SPOPL: variants seen among roughly 807,000 people sequenced by gnomAD.
SPOPL encodes the protein speckle-type POZ protein-like.
SPOPL carries 23 observed loss-of-function variants against 53.8 expected under a neutral mutation model. That is an observed-to-expected ratio of 0.43 (90% confidence interval 0.31 to 0.61). SPOPL has a LOEUF of 0.61. Ranked by LOEUF, SPOPL falls within the 20% of genes least tolerant of loss-of-function variation. SPOPL has a pLI of 0.12. For synonymous variants in SPOPL, 164 were observed against 149.7 expected (o/e 1.10, Z -0.70); for missense variants, 442 against 466.9 (o/e 0.95, Z 0.49).
intron 8 of SPOPL, among the ~76,000 whole-genome samples, chr2:138,562,327 T>A (rs1443025128): frequency 1.3e-5 from 2 of 152,242 alleles, no homozygotes; most frequent in Non-Finnish European, 1.5e-5. Context: ...GATGGGCAAA[T>A]AATGGAACAG....
chr2:138,504,562 CA>C (rs1232851224), intron 1 of SPOPL, among the ~76,000 whole-genome samples: 2 of 152,058 alleles, frequency 1.3e-5, no homozygotes, highest in African/African-American at 4.8e-5. Context: ...ATATTCTTTC[CA>C]AAAATATTTA....
At chr2:138,550,356 T>C (rs1254112618) in intron 2 of SPOPL, 62 bp downstream of exon 2, 8 of 1,601,320 alleles carry the variant, frequency 5.0e-6, no homozygotes, top group South Asian at 1.1e-5. Flanking sequence ...ATGTTGAGAA[T>C]AGTATTGTGA....
At chr2:138,544,186 C>A (rs965598782) in intron 1 of SPOPL, among the ~76,000 whole-genome samples, 1 of 152,210 alleles carries the variant, frequency 6.6e-6, no homozygotes, top group Admixed American at 6.5e-5. Context: ...GGTCAGGGAC[C>A]CACTTGAGGT....
chr2:138,563,802 C>T (rs1685602116), intron 8 of SPOPL, among the ~76,000 whole-genome samples: 1 of 152,122 alleles, frequency 6.6e-6, no homozygotes, highest in African/African-American at 2.4e-5. Flanking sequence ...AGCATATGCC[C>T]ATACAGACAC....
In SPOPL at chr2:138,564,761, C is replaced by T. The variant is rs763436582; in HGVS notation, c.891C>T (p.Leu297=). The change falls in exon 9 of 11, where the codon CTC becomes CTT. Residue 297 remains leucine (L), a synonymous_variant. Transcript: ENST00000280098. The part of the protein sequence containing the change: ...VMCEEALCSN[L]SVENVADTLV... ...GCGAAGAAGCTTTGTGTAGTAACCT[C>T]TCAGTAGAGAATGTTGCAGATACCC... 1.9e-6 allele frequency: 3 copies of T among 1,614,030 alleles called. No homozygotes were observed. In the African/African-American group the frequency reaches 4.0e-5, roughly 22 times the overall value.
rs1324410398 is a variant in SPOPL at position 138,564,864 on chromosome 2, G to T, written c.980+14G>T. The T allele has an allele frequency of 1.2e-4, 197 of 1,613,836 alleles. 1 individual carries two copies. Among genetic ancestry groups the T allele is most frequent in the Non-Finnish European group, 1.7e-4 (196 of 1,179,842 alleles). ...CTTTATTAATAGGTAAGCTATGCTTGTATTTCAGTGGGCATGACAACTTCA... is the reference window on the plus strand; with the variant it reads ...CTTTATTAATAGGTAAGCTATGCTTTTATTTCAGTGGGCATGACAACTTCA... On this transcript the variant is annotated intron_variant, in intron 9 of 10. Coordinates refer to ENST00000280098, the MANE Select transcript of SPOPL (RefSeq NM_001001664.3).
chr2:138,556,487 A>G (rs2104897682), intron 5 of SPOPL, among the ~76,000 whole-genome samples: 1 of 152,324 alleles, frequency 6.6e-6, no homozygotes, highest in African/African-American at 2.4e-5. Flanking sequence ...AGAAATTTCA[A>G]GAGCAGTGCT....
intron 1 of SPOPL, among the ~76,000 whole-genome samples, chr2:138,547,208 C>T (rs943646273): frequency 3.3e-5 from 5 of 152,266 alleles, no homozygotes; most frequent in African/African-American, 4.8e-5. Context: ...TCAAGTGATC[C>T]GCTTGCCTCA....
intron 1 of SPOPL, among the ~76,000 whole-genome samples, chr2:138,531,224 T>C (rs894935250): frequency 2.0e-5 from 3 of 152,094 alleles, no homozygotes; most frequent in Admixed American, 2.0e-4. Flanking sequence ...AAATCTATTT[T>C]ATTTTTAGTT....
chr2:138,518,535 A>G (rs1458822486), intron 1 of SPOPL, among the ~76,000 whole-genome samples: 2 of 152,224 alleles, frequency 1.3e-5, no homozygotes, highest in African/African-American at 4.8e-5. Flanking sequence ...TTATACACAG[A>G]CTTTACAGAT....
chr2:138,515,091 A>G (rs1455682411), intron 1 of SPOPL, among the ~76,000 whole-genome samples: 1 of 152,232 alleles, frequency 6.6e-6, no homozygotes, highest in Non-Finnish European at 1.5e-5. Context: ...CAGAATATAC[A>G]ACAAATTTAA....
rs754763402 is a variant in SPOPL, at chr2:138,568,927, A to G, written c.1035-9A>G. On this transcript the variant is annotated splice_polypyrimidine_tract_variant and intron_variant, in intron 10 of 10. Coordinates refer to ENST00000280098, the MANE Select transcript of SPOPL (RefSeq NM_001001664.3). ...TCTTTAGTAAATATCTTTTAATTCTATTTTTCAGCCAAGCAACCGACATAA... is the reference window on the plus strand; with the variant it reads ...TCTTTAGTAAATATCTTTTAATTCTGTTTTTCAGCCAAGCAACCGACATAA... The G allele has an allele frequency of 4.3e-6, 7 of 1,613,358 alleles. No homozygotes were observed. Among genetic ancestry groups the G allele is most frequent in the South Asian group, 3.3e-5 (3 of 90,934 alleles).
At chr2:138,525,602 A>G (rs1684653327) in intron 1 of SPOPL, among the ~76,000 whole-genome samples, 1 of 149,588 alleles carries the variant, frequency 6.7e-6, no homozygotes, top group Non-Finnish European at 1.5e-5. Flanking sequence ...GCTCAGGGCC[A>G]GGACTTTGAA....
chr2:138,517,434 C>T (rs537167180), intron 1 of SPOPL, among the ~76,000 whole-genome samples: 1 of 152,272 alleles, frequency 6.6e-6, no homozygotes, highest in Non-Finnish European at 1.5e-5. Context: ...AAGAAATCTT[C>T]AGTAATTTTA....
intron 1 of SPOPL, among the ~76,000 whole-genome samples, chr2:138,548,061 T>C (rs1293003708): frequency 6.6e-6 from 1 of 152,122 alleles, no homozygotes; most frequent in Non-Finnish European, 1.5e-5. Context: ...AAAATTTCTT[T>C]TGATACTAAT....
intron 5 of SPOPL, among the ~76,000 whole-genome samples, chr2:138,553,863 T>G (rs1573902519): frequency 6.6e-6 from 1 of 152,126 alleles, no homozygotes; most frequent in Admixed American, 6.6e-5. Flanking sequence ...TAAATAAATA[T>G]AGGTTATGCT....
At chr2:138,549,322 G>A (rs985988154) in intron 1 of SPOPL, among the ~76,000 whole-genome samples, 2 of 151,886 alleles carry the variant, frequency 1.3e-5, no homozygotes, top group African/African-American at 2.4e-5. Flanking sequence ...TTAAAGTCTT[G>A]TTTTGTCTGT....
chr2:138,504,348 A>G (rs920806451), intron 1 of SPOPL, among the ~76,000 whole-genome samples: 2 of 152,124 alleles, frequency 1.3e-5, no homozygotes, highest in South Asian at 2.1e-4. Flanking sequence ...CTGCTTCCAC[A>G]TAGTTCCTTC....
Position 138,570,006 on chromosome 2 carries a change from CTT to C in SPOPL, c.*927_*928del, listed in dbSNP as rs1388663396. 2 of 152,406 alleles carry C rather than the reference CTT, an allele frequency of 1.3e-5. No homozygotes were observed. The highest frequency in any genetic ancestry group is 2.4e-5 in the African/African-American group (1 of 41,406). 9.4% of individuals were successfully genotyped at this position (152,406 alleles called of 1,614,324 possible). On this transcript the variant is annotated 3_prime_UTR_variant, in exon 11 of 11. Coordinates refer to ENST00000280098, the MANE Select transcript of SPOPL (RefSeq NM_001001664.3). Reference sequence around the variant, plus strand: ...ATTAATAAGGTATAATTAATTGTGTCTTAACTTTTCAAAGAAATTTTTAGATG... The same window carrying C: ...ATTAATAAGGTATAATTAATTGTGTCAACTTTTCAAAGAAATTTTTAGATG...
Sources: gnomAD v4.1 joint callset for allele counts (sites outside exome capture counted in the v4.1 genomes callset) on GRCh38, gnomAD v4.1.1 for gene constraint, MANE v1.5 for transcripts, NCBI Gene and HGNC (gene_info 2026-07-23, HGNC 2026-07-21) for gene names.